Variants in DRP2 observed in about 807,000 individuals in gnomAD.
DRP2 encodes the protein dystrophin related protein 2.
In DRP2, 29 loss-of-function variants were observed where a neutral mutation model predicts 78.2. The observed-to-expected ratio is 0.37, with a 90% CI of 0.28 to 0.51. The LOEUF (loss-of-function observed/expected upper bound fraction) is 0.51, where lower values mean the gene tolerates loss of function less well. Ranked by LOEUF, DRP2 falls within the 20% of genes least tolerant of loss-of-function variation. DRP2 has a pLI of 0.94. For synonymous variants in DRP2, 290 were observed against 281.9 expected (o/e 1.03, Z -0.29); for missense variants, 686 against 770.6 (o/e 0.89, Z 1.30).
chrX:101,238,921 G>A (rs1922606653), intron 5 of DRP2, 60 bp from the exon 6 acceptor site: 4 of 1,159,057 alleles, frequency 3.5e-6, no homozygotes, highest in Admixed American at 2.4e-5. Flanking sequence ...ATTGCAGGAT[G>A]GAATGTAAAG....
chrX:101,241,463 C>T (rs180752338), intron 6 of DRP2, among the ~76,000 whole-genome samples: 2 of 107,100 alleles, frequency 1.9e-5, no homozygotes, highest in East Asian at 2.9e-4. Flanking sequence ...TAAAAATAAA[C>T]AGTTTTTTTT....
intron 2 of DRP2, among the ~76,000 whole-genome samples, chrX:101,230,732 A>G (rs1269006839): frequency 1.8e-5 from 2 of 109,795 alleles, no homozygotes; most frequent in African/African-American, 6.7e-5. Flanking sequence ...CACGGAACAC[A>G]CCATATATTT....
At chrX:101,228,698 C>T (rs1442090986) in intron 2 of DRP2, among the ~76,000 whole-genome samples, 1 of 111,316 alleles carries the variant, frequency 9.0e-6, no homozygotes, top group African/African-American at 3.3e-5. Flanking sequence ...CACTTGAGCT[C>T]AGGAGTTTGA....
chrX:101,227,889 TC>T (rs1922173436), intron 2 of DRP2, among the ~76,000 whole-genome samples: 1 of 111,812 alleles, frequency 8.9e-6, no homozygotes, highest in South Asian at 3.7e-4. Context: ...TAAGAAAGAA[TC>T]TTATAATCTG....
At position 101,255,244 on chromosome X, in the gene DRP2, C is replaced by T. The variant is rs199814558; in HGVS notation, c.2241C>T (p.Asp747=). 61 of 1,208,320 alleles carry T rather than the reference C, an allele frequency of 5.0e-5. No homozygotes were observed. The highest frequency in any genetic ancestry group is 6.5e-5 in the Non-Finnish European group (58 of 894,066). Reference sequence around the variant, plus strand: ...TTAATGACAGCTTGTCCCCAGATGACAGCATGTGAGTTTCCACAGCTGCTT... The same window carrying T: ...TTAATGACAGCTTGTCCCCAGATGATAGCATGTGAGTTTCCACAGCTGCTT... ...SFFNDSLSPD[D]SIDEDQYLLR... The change falls in exon 20 of 24, where the codon GAC becomes GAT. Residue 747 remains aspartate (D), a synonymous_variant. Coordinates refer to ENST00000395209, the MANE Select transcript of DRP2 (RefSeq NM_001939.3).
intron 21 of DRP2, among the ~76,000 whole-genome samples, chrX:101,257,673 A>G (rs1429655241): frequency 9.1e-6 from 1 of 110,115 alleles, no homozygotes; most frequent in Non-Finnish European, 1.9e-5. Context: ...GATTTTTGCC[A>G]TGAATCATTT....
chrX:101,224,362 T>G (rs1363045985), intron 1 of DRP2, among the ~76,000 whole-genome samples: 1 of 91,947 alleles, frequency 1.1e-5, no homozygotes, highest in Non-Finnish European at 2.1e-5. Context: ...CCAGCTGCAC[T>G]CCAGCCTGGG....
In DRP2 at chrX:101,262,833, C is replaced by T. The variant is rs958649631; in HGVS notation, c.*2212C>T. On this transcript the variant is annotated 3_prime_UTR_variant, in exon 24 of 24. Coordinates refer to ENST00000395209, the MANE Select transcript of DRP2 (RefSeq NM_001939.3). ...CTAGATTGTGGGCGGGAATGTGGGA[C>T]GGAGGGCTCAAGGACTTTGGAGGCA... The T allele has an allele frequency of 6.2e-5, 1 of 16,240 alleles. No individual in the cohort carries two copies. Among genetic ancestry groups the T allele is most frequent in the Non-Finnish European group, 1.1e-4 (1 of 9,154 alleles). 1.3% of individuals were successfully genotyped at this position (16,240 alleles called of 1,213,427 possible). A position where few individuals can be genotyped will look rare whatever the true frequency, so the allele number is the denominator to read the frequency against.
rs188809153 is a variant in DRP2, at chrX:101,244,391, A to T, written c.1055-626A>T. On this transcript the variant is annotated intron_variant, in intron 9 of 23. Coordinates refer to ENST00000395209, the MANE Select transcript of DRP2 (RefSeq NM_001939.3). ...GTTAACTGTGGTTAAAATTGTTGCT[A>T]TTATAATCATTGGCATACAGCTATA... is the stretch of plus-strand genomic sequence containing the variant. 1.1e-4 allele frequency among the ~76,000 whole-genome samples: 12 copies of T among 112,186 alleles called. 1 individual carries two copies. Among genetic ancestry groups the T allele is most frequent in the Admixed American group, 2.8e-4 (3 of 10,605 alleles).
intron 15 of DRP2, 139 bp from the exon 16 acceptor site, chrX:101,250,778 C>A: frequency 1.1e-6 from 1 of 942,789 alleles, no homozygotes; most frequent in Non-Finnish European, 1.5e-6. Context: ...GCTCAACTAG[C>A]ACAGGGCAGA....
chrX:101,243,091 G>A (rs896153479), intron 9 of DRP2, 109 bp downstream of exon 9: 15 of 692,088 alleles, frequency 2.2e-5, no homozygotes, highest in Non-Finnish European at 3.4e-5. Context: ...CTTGACATCC[G>A]AGAAGCAGTA....
At chrX:101,221,574 C>A (rs1052863851) in intron 1 of DRP2, among the ~76,000 whole-genome samples, 29 of 112,582 alleles carry the variant, frequency 2.6e-4, no homozygotes, top group African/African-American at 7.8e-4. Context: ...GGAAAGAACT[C>A]CTCTTCCTGT....
chrX:101,258,403 G>A lies in DRP2; in HGVS notation c.2485G>A (p.Asp829Asn). ...TGACGGCTCCACTGAGGCAGCAACAGACCACCGCAATGAGGAGCTTCTGGC... is the reference window on the plus strand; with the variant it reads ...TGACGGCTCCACTGAGGCAGCAACAAACCACCGCAATGAGGAGCTTCTGGC... ...LADGSTEAAT[D>N]HRNEELLAEA... The change falls in exon 22 of 24, where the codon GAC becomes AAC. Residue 829 changes from aspartate (D) to asparagine (N), a missense_variant. Transcript: ENST00000395209. 1 of 1,207,209 alleles carries A rather than the reference G, an allele frequency of 8.3e-7. No individual in the cohort carries two copies. Among genetic ancestry groups the A allele is most frequent in the Non-Finnish European group, 1.1e-6 (1 of 893,247 alleles).
chrX:101,236,134 C>A, intron 4 of DRP2, 111 bp downstream of exon 4: 3 of 844,678 alleles, frequency 3.6e-6, no homozygotes, highest in East Asian at 3.2e-5. Context: ...TTAGCCCACC[C>A]ACTTCTCCCT....
In DRP2 at chrX:101,237,611, G is replaced by C. The variant is rs763298373; in HGVS notation, c.282-8G>C. The C allele has an allele frequency of 2.4e-5, 26 of 1,070,025 alleles. No homozygotes were observed. The highest frequency in any genetic ancestry group is 3.2e-5 in the Non-Finnish European group (26 of 815,661). 88.2% of individuals were successfully genotyped at this position (1,070,025 alleles called of 1,213,427 possible). On this transcript the variant is annotated splice_polypyrimidine_tract_variant and splice_region_variant and intron_variant, in intron 4 of 23. Transcript: ENST00000395209. ...CTGAACATCACTGGTTTTACTCATT[G>C]TGTGCAGCGCTCGCCTAGAGGCCTT...
chrX:101,247,036 C>A (rs1036830585), intron 11 of DRP2, 54 bp from the exon 12 acceptor site: 2 of 1,111,530 alleles, frequency 1.8e-6, no homozygotes, highest in African/African-American at 1.8e-5. Flanking sequence ...TATCTTGTTG[C>A]GGCTTTAACT....
At chrX:101,250,880 G>A (rs765791446) in intron 15 of DRP2, 37 bp from the exon 16 acceptor site, 1 of 1,198,518 alleles carries the variant, frequency 8.3e-7, no homozygotes, top group Non-Finnish European at 1.1e-6. Flanking sequence ...GACACTTTGG[G>A]CCTCAGTCAT....
chrX:101,245,247 C>T (rs1324904202), intron 10 of DRP2, 141 bp from the exon 11 acceptor site: 8 of 816,699 alleles, frequency 9.8e-6, no homozygotes, highest in East Asian at 3.3e-5. Flanking sequence ...AAAGGTGAAC[C>T]CTTGGGCTTT....
rs148402461 is a variant in DRP2 at position 101,241,984 on chromosome X, C to T, written c.828+48C>T. 2,293 of 1,122,074 alleles carry T rather than the reference C, an allele frequency of 2.0e-3. 29 individuals are homozygous for T. The African/African-American group carries it at 0.038, about 18-fold the overall frequency. 92.5% of individuals were successfully genotyped at this position (1,122,074 alleles called of 1,213,427 possible). ...CTACAGTCTACCCTGAGACCTGACA[C>T]TCTCCCCAGACACTGACAATGTTTC... On this transcript the variant is annotated intron_variant, in intron 7 of 23. Transcript: ENST00000395209.
Sources: allele counts gnomAD v4.1 joint callset (sites outside exome capture counted in the v4.1 genomes callset), GRCh38; gene constraint gnomAD v4.1.1; transcripts MANE v1.5; gene names NCBI Gene and HGNC (gene_info 2026-07-23, HGNC 2026-07-21).